The following MFHAS1 variants were observed in gnomAD, a reference collection of about 807,000 sequenced individuals.
MFHAS1 encodes multifunctional ROCO family signaling regulator 1, also known as malignant fibrous histiocytoma-amplified sequence 1.
A neutral mutation model predicts 70.4 loss-of-function variants in MFHAS1; 50 were observed. The observed-to-expected ratio is 0.71, with a 90% CI of 0.57 to 0.90. MFHAS1 has a LOEUF of 0.90. Ranked by LOEUF, MFHAS1 falls within the 40% of genes least tolerant of loss-of-function variation. MFHAS1 has a pLI of 0.00. For synonymous variants in MFHAS1, 952 were observed against 620.0 expected, an observed-to-expected ratio of 1.54 and a Z score of -7.96; for missense variants, 1,795 against 1,347.6, an observed-to-expected ratio of 1.33 and a Z score of -5.20.
chr8:8,833,017 G>A (rs562947578), intron 1 of MFHAS1, among the ~76,000 whole-genome samples: 4 of 152,274 alleles, frequency 2.6e-5, no homozygotes, highest in East Asian at 1.9e-4. Flanking sequence ...GGGCCTCAAC[G>A]AGCTTTTACT....
intron 1 of MFHAS1, among the ~76,000 whole-genome samples, chr8:8,875,883 G>A (rs770860773): frequency 6.6e-6 from 1 of 152,066 alleles, no homozygotes; most frequent in African/African-American, 2.4e-5. Context: ...CACCATGCCC[G>A]GCCTATAAGT....
At chr8:8,877,301 CAAAA>C (rs3989409) in intron 1 of MFHAS1, among the ~76,000 whole-genome samples, 1 of 63,796 alleles carries the variant, frequency 1.6e-5, no homozygotes, top group African/African-American at 5.2e-5. Context: ...GACCCTGCCT[CAAAA>C]AAAAAAAAAA....
At chr8:8,816,658 T>TTATTAATATGAGAAC (rs1806758386) in intron 1 of MFHAS1, among the ~76,000 whole-genome samples, 1 of 152,234 alleles carries the variant, frequency 6.6e-6, no homozygotes, top group Admixed American at 6.5e-5. Context: ...CGCAAACATG[T>TTATTAATATGAGAAC]AGAAAGTTCT....
At chr8:8,865,805 T>C (rs1808833223) in intron 1 of MFHAS1, among the ~76,000 whole-genome samples, 1 of 152,210 alleles carries the variant, frequency 6.6e-6, no homozygotes, top group African/African-American at 2.4e-5. Flanking sequence ...AAGAATTTAA[T>C]TTTCATAGTC....
chr8:8,829,079 C>A (rs1284835089), intron 1 of MFHAS1, among the ~76,000 whole-genome samples: 1 of 152,186 alleles, frequency 6.6e-6, no homozygotes, highest in African/African-American at 2.4e-5. Flanking sequence ...TGTGATCCAG[C>A]CCCCTGCCCA....
intron 1 of MFHAS1, among the ~76,000 whole-genome samples, chr8:8,833,119 C>A (rs1392939751): frequency 6.6e-6 from 1 of 152,090 alleles, no homozygotes; most frequent in Non-Finnish European, 1.5e-5. Context: ...TTTAAACAAC[C>A]AGATCCCATG....
chr8:8,884,086 A>G (rs4841066), intron 1 of MFHAS1, among the ~76,000 whole-genome samples: 29,600 of 150,892 alleles, frequency 0.2, 3,354 homozygotes, highest in African/African-American at 0.31. Flanking sequence ...ACACACAAAA[A>G]GAAAAAAAAA....
At position 8,891,654 on chromosome 8, in the gene MFHAS1, G is replaced by A; in HGVS notation, c.1405C>T (p.Arg469Trp). The change falls in exon 1 of 3, where the codon CGG (arginine) becomes TGG (tryptophan). Residue 469 changes from arginine to tryptophan, a missense_variant. Arg to Trp is a moderately radical substitution (Grantham distance 101, BLOSUM62 -3). Transcript: ENST00000276282. This position sits in a 1 kb window ranked among gnomAD's most constrained non-coding sequence, Gnocchi z 5.4. ...EVTSWTADASRGLRFIVYDLA... is the reference protein window; with the variant it reads ...EVTSWTADASWGLRFIVYDLA... ...TCATACACGATGAACCGCAGGCCCC[G>A]GGAGGCATCGGCCGTCCAGCTGGTC... 1.9e-6 allele frequency: 3 copies of A among 1,613,608 alleles called. No homozygotes were observed. Among genetic ancestry groups the A allele is most frequent in the Non-Finnish European group, 2.5e-6 (3 of 1,180,016 alleles).
chr8:8,875,425 G>C (rs537832045), intron 1 of MFHAS1, among the ~76,000 whole-genome samples: 170 of 152,242 alleles, frequency 1.1e-3, no homozygotes, highest in African/African-American at 3.4e-3. Context: ...TTATATCCAT[G>C]TTAGCATAAG....
intron 1 of MFHAS1, among the ~76,000 whole-genome samples, chr8:8,842,044 C>G (rs1807846763): frequency 6.6e-6 from 1 of 152,212 alleles, no homozygotes; most frequent in Non-Finnish European, 1.5e-5. Flanking sequence ...ATGTGGGAGG[C>G]TGAGTGCCAA....
At chr8:8,883,990 G>C (rs1809643576) in intron 1 of MFHAS1, among the ~76,000 whole-genome samples, 1 of 150,294 alleles carries the variant, frequency 6.7e-6, no homozygotes. Flanking sequence ...TTGAGGCCAG[G>C]AGATCAAGAC....
intron 1 of MFHAS1, among the ~76,000 whole-genome samples, chr8:8,883,030 G>A (rs1809589920): frequency 6.6e-6 from 1 of 152,244 alleles, no homozygotes; most frequent in African/African-American, 2.4e-5. Context: ...GTGCACCCCT[G>A]TAGTCCCAGC....
chr8:8,828,460 G>C (rs905494673), intron 1 of MFHAS1, among the ~76,000 whole-genome samples: 6 of 152,102 alleles, frequency 3.9e-5, no homozygotes, highest in Admixed American at 2.0e-4. Context: ...GGCCTTCAAA[G>C]ACGCAGGGCC....
intron 1 of MFHAS1, among the ~76,000 whole-genome samples, chr8:8,877,275 C>T (rs1175276390): frequency 2.6e-5 from 3 of 115,730 alleles, no homozygotes; most frequent in Non-Finnish European, 3.3e-5. Flanking sequence ...ACACTCCAGC[C>T]TGGGTGACAG....
intron 1 of MFHAS1, among the ~76,000 whole-genome samples, chr8:8,846,739 T>C (rs1808052524): frequency 6.6e-6 from 1 of 152,148 alleles, no homozygotes; most frequent in Non-Finnish European, 1.5e-5. Flanking sequence ...ATAAGATTGC[T>C]CATTCCCTTA....
chr8:8,892,740 C>A lies in MFHAS1; in HGVS notation c.319G>T (p.Ala107Ser). 1 of 1,573,506 alleles carries A rather than the reference C, an allele frequency of 6.4e-7. No homozygotes were observed. Among genetic ancestry groups the A allele is most frequent in the Non-Finnish European group, 8.6e-7 (1 of 1,162,222 alleles). Residue 107 changes from alanine to serine, a missense_variant, in exon 1 of 3, where the codon GCC (alanine) becomes TCC (serine). Ala to Ser is a moderately conservative substitution (Grantham distance 99). Coordinates refer to ENST00000276282, the MANE Select transcript of MFHAS1 (RefSeq NM_004225.3). The surrounding 1 kb of genome is among the most constrained non-coding windows in gnomAD (Gnocchi z 4.7). The part of the protein sequence containing the change: ...NRFARLPPAV[A>S]ELGHHLTELD... ...TCGGTGAGGTGGTGGCCGAGCTCGG[C>A]CACCGCCGGGGGCAGCCGGGCGAAG...
In MFHAS1 at chr8:8,880,224, G is replaced by C. The variant is rs568321849; in HGVS notation, c.2998+9837C>G. On this transcript the variant is annotated intron_variant, in intron 1 of 2. Transcript: ENST00000276282. ...CTACTCTTAAGTTACACCTTGGAAA[G>C]AAAGTTGCTACAAAGCCTGGCAAAA... Among the ~76,000 whole-genome samples, 4 of 152,310 alleles carry C rather than the reference G, an allele frequency of 2.6e-5. No individual in the cohort carries two copies. In the South Asian group the frequency reaches 8.3e-4, roughly 32 times the overall value.
At chr8:8,852,879 G>T (rs931525916) in intron 1 of MFHAS1, among the ~76,000 whole-genome samples, 2 of 152,136 alleles carry the variant, frequency 1.3e-5, no homozygotes, top group Non-Finnish European at 2.9e-5. Flanking sequence ...TACATTCTGG[G>T]AGAAGGGTAT....
At chr8:8,884,890 C>G (rs950735616) in intron 1 of MFHAS1, among the ~76,000 whole-genome samples, 2 of 152,088 alleles carry the variant, frequency 1.3e-5, no homozygotes, top group African/African-American at 2.4e-5. Flanking sequence ...GAGGTCGAGG[C>G]TGCAGTAAGC....
Sources: allele counts gnomAD v4.1 joint callset (sites outside exome capture counted in the v4.1 genomes callset), GRCh38; gene constraint gnomAD v4.1.1; non-coding constraint Gnocchi (gnomAD v3.1); transcripts MANE v1.5; gene names NCBI Gene and HGNC (gene_info 2026-07-23, HGNC 2026-07-21).